Variants in LDB2 observed in about 807,000 individuals in gnomAD.
LDB2 encodes LIM domain-binding protein 2.
A neutral mutation model predicts 44.3 loss-of-function variants in LDB2; 12 were observed. That is an observed-to-expected ratio of 0.27 (90% CI 0.17 to 0.44). LDB2 has a LOEUF of 0.44. Among genes scored for constraint, LDB2 ranks in the 20% least tolerant of loss-of-function variants. The pLI is 1.00. For missense variants in LDB2, 344 were observed against 473.5 expected (o/e 0.73, Z 2.54); for synonymous variants, 164 against 174.8 (o/e 0.94, Z 0.49).
intron 2 of LDB2, among the ~76,000 whole-genome samples, chr4:16,721,227 T>C (rs1758212067): frequency 6.6e-6 from 1 of 152,186 alleles, no homozygotes; most frequent in South Asian, 2.1e-4. Flanking sequence ...CATGAGGGTA[T>C]AAAGATCTAT....
chr4:16,634,941 C>T (rs1161705065), intron 2 of LDB2, among the ~76,000 whole-genome samples: 2 of 152,170 alleles, frequency 1.3e-5, no homozygotes, highest in African/African-American at 4.8e-5. Flanking sequence ...CATATGTACA[C>T]CATGGAATAC....
intron 2 of LDB2, among the ~76,000 whole-genome samples, chr4:16,657,744 T>C (rs918598664): frequency 2.0e-4 from 30 of 152,336 alleles, no homozygotes; most frequent in Admixed American, 1.4e-3. Flanking sequence ...CCCAGTTCCT[T>C]ATATATTTGT....
chr4:16,506,286 C>T (rs1719399515), intron 7 of LDB2: 2 of 287,216 alleles, frequency 7.0e-6, no homozygotes, highest in Non-Finnish European at 1.3e-5. Context: ...TTCTTTCTGC[C>T]TCTCTGTAAC....
intron 2 of LDB2, among the ~76,000 whole-genome samples, chr4:16,617,975 G>A (rs1408265379): frequency 6.6e-6 from 1 of 152,114 alleles, no homozygotes; most frequent in East Asian, 1.9e-4. Flanking sequence ...CTGCTCTTCT[G>A]TCTTGTATTT....
At chr4:16,717,085 G>A (rs1410397873) in intron 2 of LDB2, among the ~76,000 whole-genome samples, 4 of 151,740 alleles carry the variant, frequency 2.6e-5, no homozygotes, top group African/African-American at 9.7e-5. Flanking sequence ...GGTTAGCACA[G>A]AAAAAGGGGA....
intron 5 of LDB2, among the ~76,000 whole-genome samples, chr4:16,535,088 C>T (rs956307024): frequency 1.3e-5 from 2 of 152,194 alleles, no homozygotes; most frequent in Admixed American, 6.5e-5. Context: ...CTTTTCCATG[C>T]ATCTGGAGCA....
intron 2 of LDB2, among the ~76,000 whole-genome samples, chr4:16,624,543 AGATAGTATTAC>A: frequency 6.6e-6 from 1 of 152,346 alleles, no homozygotes; most frequent in South Asian, 2.1e-4. Flanking sequence ...TTTACACAGA[AGATAGTATTAC>A]TATCCCAATT....
At chr4:16,810,077 C>G (rs927712399) in intron 1 of LDB2, among the ~76,000 whole-genome samples, 2 of 152,136 alleles carry the variant, frequency 1.3e-5, no homozygotes, top group African/African-American at 4.8e-5. Flanking sequence ...CTGTTCTCAG[C>G]CTAATGTTCA....
intron 2 of LDB2, among the ~76,000 whole-genome samples, chr4:16,648,650 G>C (rs988724708): frequency 2.6e-5 from 4 of 152,106 alleles, no homozygotes; most frequent in African/African-American, 4.8e-5. Flanking sequence ...CAGAGTCTTA[G>C]AAACTAAGTA....
chr4:16,513,420 T>C (rs1297035259), intron 5 of LDB2, among the ~76,000 whole-genome samples: 1 of 152,246 alleles, frequency 6.6e-6, no homozygotes, highest in Non-Finnish European at 1.5e-5. Context: ...TGAAACCATC[T>C]GCTTCTAAGT....
intron 1 of LDB2, among the ~76,000 whole-genome samples, chr4:16,860,717 A>C (rs1712243047): frequency 6.6e-6 from 1 of 152,240 alleles, no homozygotes; most frequent in South Asian, 2.1e-4. Context: ...TTGCTTCATG[A>C]CCAGACTATT....
chr4:16,579,082 C>A (rs980925191), intron 5 of LDB2, among the ~76,000 whole-genome samples: 3 of 151,898 alleles, frequency 2.0e-5, no homozygotes, highest in Non-Finnish European at 2.9e-5. Flanking sequence ...TTAATTGGTG[C>A]CCAAACAGAG....
In LDB2 at chr4:16,823,262, C is replaced by T. The variant is rs528955529; in HGVS notation, c.133-64002G>A. 2.6e-5 allele frequency among the ~76,000 whole-genome samples: 4 copies of T among 152,338 alleles called. No individual in the cohort carries two copies. In the South Asian group the frequency reaches 6.2e-4, roughly 24 times the overall value. The stretch of plus-strand genomic sequence containing the variant: ...GAAGTCAAGTGAGGAGGTTTAGTGA[C>T]CTGCCCAATGGCCAAAGCCAACGTT... On this transcript the variant is annotated intron_variant, in intron 1 of 7. Coordinates refer to ENST00000304523, the MANE Select transcript of LDB2 (RefSeq NM_001290.5).
At chr4:16,663,593 G>A (rs1184682323) in intron 2 of LDB2, among the ~76,000 whole-genome samples, 4 of 152,170 alleles carry the variant, frequency 2.6e-5, no homozygotes, top group African/African-American at 7.2e-5. Flanking sequence ...GCATGTTTCC[G>A]TGAAGCTCCT....
intron 2 of LDB2, among the ~76,000 whole-genome samples, chr4:16,661,770 G>A (rs546854155): frequency 2.6e-5 from 4 of 152,290 alleles, no homozygotes; most frequent in African/African-American, 9.6e-5. Flanking sequence ...TGCAACTGAA[G>A]AGATCCAGAG....
At chr4:16,724,620 C>T (rs1234111398) in intron 2 of LDB2, among the ~76,000 whole-genome samples, 1 of 152,106 alleles carries the variant, frequency 6.6e-6, no homozygotes, top group East Asian at 1.9e-4. Flanking sequence ...GATTCTCCTT[C>T]CAGAACCATG....
intron 1 of LDB2, among the ~76,000 whole-genome samples, chr4:16,838,950 T>C (rs2110095319): frequency 6.6e-6 from 1 of 152,322 alleles, no homozygotes; most frequent in East Asian, 1.9e-4. Flanking sequence ...GAAATTAAAA[T>C]GTTGCTCTAT....
intron 2 of LDB2, among the ~76,000 whole-genome samples, chr4:16,748,761 T>C (rs905170529): frequency 2.0e-5 from 3 of 152,230 alleles, no homozygotes; most frequent in Admixed American, 6.5e-5. Context: ...CACTGATTTT[T>C]CCAAATGCTT....
chr4:16,512,659 A>G (rs1160514200), intron 5 of LDB2, among the ~76,000 whole-genome samples: 1 of 152,204 alleles, frequency 6.6e-6, no homozygotes, highest in Non-Finnish European at 1.5e-5. Flanking sequence ...AGAAAGGTGG[A>G]TGGTGAATAC....
Sources: gnomAD v4.1 joint callset for allele counts (sites outside exome capture counted in the v4.1 genomes callset) on GRCh38, gnomAD v4.1.1 for gene constraint, MANE v1.5 for transcripts, NCBI Gene and HGNC (gene_info 2026-07-23, HGNC 2026-07-21) for gene names.